MPC1: variants seen among roughly 807,000 people sequenced by gnomAD.
The protein encoded by MPC1 is HSPC040 protein.
In MPC1, 6 loss-of-function variants were observed where a neutral mutation model predicts 13.9. The ratio of observed to expected loss-of-function variants is 0.43; its 90% CI spans 0.24 to 0.85. The LOEUF is 0.85. Among genes scored for constraint, MPC1 ranks in the 40% least tolerant of loss-of-function variants. The pLI is 0.24. For synonymous variants in MPC1, 47 were observed against 50.5 expected (o/e 0.93, Z 0.29); for missense variants, 115 against 143.3 (o/e 0.80, Z 1.01).
intron 1 of MPC1, among the ~76,000 whole-genome samples, chr6:166,382,261 C>A (rs981260985): frequency 2.7e-5 from 4 of 150,272 alleles, no homozygotes; most frequent in Non-Finnish European, 5.9e-5. Context: ...CCCATGGTCA[C>A]CCTGTCCTGA....
chr6:166,365,649 C>T lies in MPC1; in HGVS notation c.306-196G>A, dbSNP rs1466887041. 1.3e-5 allele frequency among the ~76,000 whole-genome samples: 2 copies of T among 152,252 alleles called. No individual in the cohort carries two copies. The highest frequency in any genetic ancestry group is 3.4e-3 in the Middle Eastern group (1 of 294). On this transcript the variant is annotated intron_variant, in intron 4 of 4. Coordinates refer to ENST00000360961, the MANE Select transcript of MPC1 (RefSeq NM_016098.4). This position sits in a 1 kb window ranked among gnomAD's most constrained non-coding sequence, Gnocchi z 4.2. Reference sequence around the variant, plus strand: ...ACATGTTTCAGATTTTTTCAGATTTCGGAATAACTGGATTATACCAGTTGA... The same window carrying T: ...ACATGTTTCAGATTTTTTCAGATTTTGGAATAACTGGATTATACCAGTTGA...
At chr6:166,367,801 T>C (rs1386179158) in intron 2 of MPC1, among the ~76,000 whole-genome samples, 1 of 152,228 alleles carries the variant, frequency 6.6e-6, no homozygotes, top group Admixed American at 6.5e-5. Flanking sequence ...AAACAGTCTT[T>C]GCTTGACTTC....
rs578002767 is a variant in MPC1 at position 166,365,975 on chromosome 6, C to T, written c.304G>A (p.Glu102Lys). 3.7e-5 allele frequency: 60 copies of T among 1,611,692 alleles called. No individual in the cohort carries two copies. The highest frequency in any genetic ancestry group is 1.6e-4 in the Middle Eastern group (1 of 6,072). The stretch of plus-strand genomic sequence containing the variant: ...GTAACTAAATTGAAATCTGCTTACT[C>T]GTGTTTGATAAGCCGCCCTCCCTGG... Reference protein sequence around the residue: ...LIQGGRLIKHEMTKTASA With the variant: ...LIQGGRLIKHKMTKTASA The change falls in exon 4 of 5, where the codon GAG (glutamate) becomes AAG (lysine). Residue 102 changes from glutamate to lysine, a missense_variant and splice_region_variant. Coordinates refer to ENST00000360961, the MANE Select transcript of MPC1 (RefSeq NM_016098.4). The surrounding 1 kb of genome is among the most constrained non-coding windows in gnomAD (Gnocchi z 4.2).
At chr6:166,366,175 G>C in intron 3 of MPC1, 69 bp from the exon 4 acceptor site, 12 of 1,543,494 alleles carry the variant, frequency 7.8e-6, no homozygotes, top group Non-Finnish European at 1.1e-5. Flanking sequence ...GGACCACAGA[G>C]ATGAACAGTT....
At chr6:166,379,185 A>G (rs1216081194) in intron 1 of MPC1, among the ~76,000 whole-genome samples, 2 of 152,178 alleles carry the variant, frequency 1.3e-5, no homozygotes, top group East Asian at 3.8e-4. Context: ...TGAAATAAAA[A>G]AAAATCATTT....
At chr6:166,380,570 T>A (rs941792173) in intron 1 of MPC1, among the ~76,000 whole-genome samples, 1 of 152,198 alleles carries the variant, frequency 6.6e-6, no homozygotes, top group East Asian at 1.9e-4. Context: ...ACCCATTTAG[T>A]AGAAGAAAAT....
At chr6:166,368,818 T>C in intron 2 of MPC1, 1 of 985,652 alleles carries the variant, frequency 1.0e-6, no homozygotes, top group South Asian at 4.7e-5. Context: ...TTCCTCCTTT[T>C]TTGACCAGGC....
intron 1 of MPC1, among the ~76,000 whole-genome samples, chr6:166,377,162 T>TG (rs397702341): frequency 2.0e-5 from 3 of 150,744 alleles, no homozygotes; most frequent in Non-Finnish European, 4.4e-5. Context: ...TTTTTTTTTT[T>TG]GAGACAGTCT....
rs185322598 is a variant in MPC1 at position 166,373,229 on chromosome 6, C to T, written c.72-3008G>A. Reference sequence around the variant, plus strand: ...CATCGTGTGGGTTTAGATGAACATACGATGCCACGCGTCCATCATCATAGT... The same window carrying T: ...CATCGTGTGGGTTTAGATGAACATATGATGCCACGCGTCCATCATCATAGT... On this transcript the variant is annotated intron_variant, in intron 1 of 4. Transcript: ENST00000360961. 5.0e-4 allele frequency among the ~76,000 whole-genome samples: 76 copies of T among 152,208 alleles called. 1 individual carries two copies. Among genetic ancestry groups the T allele is most frequent in the Admixed American group, 2.0e-3 (30 of 15,290 alleles).
intron 1 of MPC1, among the ~76,000 whole-genome samples, chr6:166,378,777 G>C (rs1562461586): frequency 6.6e-6 from 1 of 152,200 alleles, no homozygotes; most frequent in Admixed American, 6.5e-5. Context: ...GTACCAAAAA[G>C]AGAGTACCAG....
intron 1 of MPC1, among the ~76,000 whole-genome samples, chr6:166,378,395 C>A (rs1379993740): frequency 1.4e-5 from 2 of 147,380 alleles, no homozygotes; most frequent in African/African-American, 5.1e-5. Context: ...AAGAAAACAT[C>A]CTCTGCACAC....
intron 1 of MPC1, among the ~76,000 whole-genome samples, chr6:166,380,316 T>A (rs574716210): frequency 3.2e-4 from 49 of 152,194 alleles, no homozygotes; most frequent in Non-Finnish European, 6.3e-4. Context: ...ACAAATAAAG[T>A]CTGCTGGGAT....
intron 2 of MPC1, among the ~76,000 whole-genome samples, chr6:166,368,276 G>A (rs1163307021): frequency 6.6e-6 from 1 of 152,206 alleles, no homozygotes; most frequent in Non-Finnish European, 1.5e-5. Flanking sequence ...TGACAAGTTG[G>A]GTCGGGTGCA....
chr6:166,374,884 A>G (rs1397747828), intron 1 of MPC1, among the ~76,000 whole-genome samples: 1 of 152,128 alleles, frequency 6.6e-6, no homozygotes, highest in Non-Finnish European at 1.5e-5. Context: ...TCAGTCCTCC[A>G]ACTTTGTTCT....
At chr6:166,366,716 T>C in intron 3 of MPC1, 79 bp downstream of exon 3, 2 of 1,331,466 alleles carry the variant, frequency 1.5e-6, no homozygotes, top group Non-Finnish European at 1.1e-6. Context: ...CTGTAACATC[T>C]AGTGCTACAA....
chr6:166,376,495 C>T (rs1169388108), intron 1 of MPC1, among the ~76,000 whole-genome samples: 3 of 152,202 alleles, frequency 2.0e-5, no homozygotes. Context: ...CTGGGGCCCT[C>T]AACAGATTTA....
chr6:166,378,844 T>TA (rs1211973864), intron 1 of MPC1, among the ~76,000 whole-genome samples: 7 of 152,192 alleles, frequency 4.6e-5, no homozygotes, highest in African/African-American at 1.7e-4. Flanking sequence ...ATTGAACACT[T>TA]ACTTTTGTCA....
At chr6:166,377,523 T>C (rs1234567789) in intron 1 of MPC1, among the ~76,000 whole-genome samples, 1 of 152,210 alleles carries the variant, frequency 6.6e-6, no homozygotes, top group Non-Finnish European at 1.5e-5. Context: ...TTAAGTAATT[T>C]ATAACTTACT....
At chr6:166,382,107 C>T (rs1363850808) in intron 1 of MPC1, among the ~76,000 whole-genome samples, 1 of 152,258 alleles carries the variant, frequency 6.6e-6, no homozygotes, top group East Asian at 1.9e-4. Context: ...GAAACCACTC[C>T]CGCCCGGAGG....
Sources: gnomAD v4.1 joint callset for allele counts (sites outside exome capture counted in the v4.1 genomes callset) on GRCh38, gnomAD v4.1.1 for gene constraint, Gnocchi (gnomAD v3.1) non-coding constraint, MANE v1.5 for transcripts, NCBI Gene and HGNC (gene_info 2026-07-23, HGNC 2026-07-21) for gene names.